Variants in CACNA1C observed in about 807,000 individuals in gnomAD.
CACNA1C encodes the protein calcium voltage-gated channel subunit alpha1 C, also known as voltage-dependent L-type calcium channel subunit alpha-1C.
In CACNA1C, 30 loss-of-function variants were observed where a neutral mutation model predicts 229.0. The observed-to-expected ratio is 0.13, with a 90% CI of 0.10 to 0.18. CACNA1C has a LOEUF of 0.18. Ranked by LOEUF, CACNA1C falls within the 10% of genes least tolerant of loss-of-function variation. The pLI, the probability that CACNA1C is intolerant of heterozygous loss-of-function variation, is 1.00. For synonymous variants in CACNA1C, 1,114 were observed against 1,132.5 expected, an observed-to-expected ratio of 0.98 and a Z score of 0.33; for missense variants, 1,658 against 2,845.0, an observed-to-expected ratio of 0.58 and a Z score of 9.49.
chr12:2,032,212 CT>C (rs1259993443), intron 1 of CACNA1C, among the ~76,000 whole-genome samples: 3 of 152,020 alleles, frequency 2.0e-5, no homozygotes, highest in Non-Finnish European at 4.4e-5. Context: ...CCATCCATCT[CT>C]GCTTGAGTTC....
intron 3 of CACNA1C, among the ~76,000 whole-genome samples, chr12:2,142,389 G>T (rs1359560305): frequency 6.6e-6 from 1 of 151,208 alleles, no homozygotes; most frequent in Non-Finnish European, 1.5e-5. Context: ...TGGGCTGACA[G>T]TCTTATCAAA....
Position 2,124,904 on chromosome 12 carries a change from C to T in CACNA1C, c.477+4474C>T, listed in dbSNP as rs190727952. Among the ~76,000 whole-genome samples, 724 of 152,102 alleles carry T rather than the reference C, an allele frequency of 4.8e-3. 2 individuals are homozygous for T. The highest frequency in any genetic ancestry group is 7.3e-3 in the Non-Finnish European group (496 of 67,976). On this transcript the variant is annotated intron_variant, in intron 3 of 46. Coordinates refer to ENST00000399655, the MANE Select transcript of CACNA1C (RefSeq NM_000719.7). ...AGGCTGGGGATGTCCTACCGGCGGT[C>T]GACAGGAGCCTGCAACCCAGGAGAC... is the stretch of plus-strand genomic sequence containing the variant.
At chr12:2,655,278 C>A (rs1328773220) in intron 34 of CACNA1C, 40 bp downstream of exon 34, 6 of 1,243,722 alleles carry the variant, frequency 4.8e-6, no homozygotes, top group East Asian at 2.3e-5. Flanking sequence ...TACACACACA[C>A]CTGCATGGTG....
chr12:2,223,708 GT>G (rs1204194415), intron 3 of CACNA1C, among the ~76,000 whole-genome samples: 1 of 152,130 alleles, frequency 6.6e-6, no homozygotes, highest in Non-Finnish European at 1.5e-5. Flanking sequence ...TTATAGAGTT[GT>G]TTTGCCAGTG....
In CACNA1C at chr12:2,666,166, G is replaced by A. The variant is rs549659791; in HGVS notation, c.4526+458G>A. ...ATCACACCACTGCACTCCAGCCTGGGCGACAGAGCAAGACTCCATCTAAAA... is the reference window on the plus strand; with the variant it reads ...ATCACACCACTGCACTCCAGCCTGGACGACAGAGCAAGACTCCATCTAAAA... On this transcript the variant is annotated intron_variant, in intron 36 of 46. Transcript: ENST00000399655. This position sits in a 1 kb window ranked among gnomAD's most constrained non-coding sequence, Gnocchi z 5.3. 6.6e-6 allele frequency among the ~76,000 whole-genome samples: 1 copy of A among 151,196 alleles called. No individual in the cohort carries two copies. The highest frequency in any genetic ancestry group is 6.6e-5 in the Admixed American group (1 of 15,080).
chr12:2,463,003 C>G (rs2099523057), intron 5 of CACNA1C, among the ~76,000 whole-genome samples: 1 of 148,462 alleles, frequency 6.7e-6, no homozygotes, highest in South Asian at 2.2e-4. Flanking sequence ...AGCTCCGCCT[C>G]CTGGGTTCAC....
At chr12:2,013,325 T>A (rs965144834) in intron 1 of CACNA1C, among the ~76,000 whole-genome samples, 13 of 152,144 alleles carry the variant, frequency 8.5e-5, no homozygotes, top group African/African-American at 2.7e-4. Context: ...TGTTTAGTCA[T>A]TGGCCCTTGC....
chr12:2,444,487 A>G (rs986542898), intron 3 of CACNA1C, among the ~76,000 whole-genome samples: 1 of 151,970 alleles, frequency 6.6e-6, no homozygotes, highest in Non-Finnish European at 1.5e-5. Context: ...ACTGATTTGG[A>G]GCCCAGCCTC....
chr12:2,298,237 C>A (rs577706660), intron 3 of CACNA1C, among the ~76,000 whole-genome samples: 1 of 152,360 alleles, frequency 6.6e-6, no homozygotes, highest in East Asian at 1.9e-4. Context: ...CCTTCTTTCA[C>A]AAGGAACACA....
At chr12:2,324,198 C>A (rs1002496226) in intron 3 of CACNA1C, among the ~76,000 whole-genome samples, 5 of 152,178 alleles carry the variant, frequency 3.3e-5, no homozygotes, top group Admixed American at 1.3e-4. Context: ...CTCAGTTTCC[C>A]TCAAAAGCCC....
chr12:2,465,950 T>C (rs964662663), intron 5 of CACNA1C, among the ~76,000 whole-genome samples: 3 of 152,090 alleles, frequency 2.0e-5, no homozygotes, highest in South Asian at 4.2e-4. Flanking sequence ...CACTCTTTTT[T>C]AAAACATTCT....
intron 3 of CACNA1C, among the ~76,000 whole-genome samples, chr12:2,415,046 C>T (rs1209980896): frequency 6.6e-6 from 1 of 152,218 alleles, no homozygotes; most frequent in Non-Finnish European, 1.5e-5. Flanking sequence ...GTTCCATAGG[C>T]ACGCACACCC....
At chr12:2,236,715 A>C (rs1290960448) in intron 3 of CACNA1C, among the ~76,000 whole-genome samples, 1 of 152,196 alleles carries the variant, frequency 6.6e-6, no homozygotes, top group Non-Finnish European at 1.5e-5. Flanking sequence ...AAGCAGAATC[A>C]CCATGGCAAC....
At chr12:2,098,775 C>A (rs1278821493) in intron 1 of CACNA1C, among the ~76,000 whole-genome samples, 1 of 152,208 alleles carries the variant, frequency 6.6e-6, no homozygotes, top group Non-Finnish European at 1.5e-5. Context: ...GTTCTTCTTG[C>A]GTGCCCCGAG....
intron 3 of CACNA1C, among the ~76,000 whole-genome samples, chr12:2,238,482 A>G (rs886675106): frequency 5.9e-5 from 9 of 152,340 alleles, no homozygotes; most frequent in Middle Eastern, 3.4e-3. Context: ...GGGAACTGCT[A>G]TAGGAACTCC....
At chr12:2,156,858 T>C (rs917248856) in intron 3 of CACNA1C, among the ~76,000 whole-genome samples, 20 of 152,224 alleles carry the variant, frequency 1.3e-4, no homozygotes, top group African/African-American at 4.8e-4. Context: ...AGGTTGGAGC[T>C]GAATGTTGAA....
At chr12:2,043,854 A>G (rs999294201) in intron 1 of CACNA1C, among the ~76,000 whole-genome samples, 1 of 147,050 alleles carries the variant, frequency 6.8e-6, no homozygotes, top group African/African-American at 2.6e-5. Context: ...ACGGGGTTTC[A>G]CCTTGTTAGC....
chr12:2,456,424 C>G (rs554528265), intron 4 of CACNA1C, among the ~76,000 whole-genome samples: 28 of 152,322 alleles, frequency 1.8e-4, no homozygotes, highest in African/African-American at 5.8e-4. Context: ...TGCTCAAAGT[C>G]CCCCAATGGC....
chr12:2,316,519 C>T (rs1300053285), intron 3 of CACNA1C, among the ~76,000 whole-genome samples: 1 of 152,194 alleles, frequency 6.6e-6, no homozygotes, highest in South Asian at 2.1e-4. Flanking sequence ...ACATAGTGCT[C>T]AGTTAGTTAC....
Sources: allele counts gnomAD v4.1 joint callset (sites outside exome capture counted in the v4.1 genomes callset), GRCh38; gene constraint gnomAD v4.1.1; non-coding constraint Gnocchi (gnomAD v3.1); transcripts MANE v1.5; gene names NCBI Gene and HGNC (gene_info 2026-07-23, HGNC 2026-07-21).